The following SLC5A5 variants were observed in gnomAD, a reference collection of about 807,000 sequenced individuals.
The protein encoded by SLC5A5 is sodium/iodide cotransporter.
In SLC5A5, 56 loss-of-function variants were observed where a neutral mutation model predicts 68.6. That is an observed-to-expected ratio of 0.82 (90% CI 0.66 to 1.02). SLC5A5 has a LOEUF of 1.02. Among genes scored for constraint, SLC5A5 ranks in the 50% least tolerant of loss-of-function variants. SLC5A5 has a pLI of 0.00. For missense variants in SLC5A5, 807 were observed against 859.8 expected (o/e 0.94, Z 0.77); for synonymous variants, 398 against 373.0 (o/e 1.07, Z -0.77).
Position 17,872,314 on chromosome 19 carries a change from G to T in SLC5A5, c.-6G>T. ...GAGGACGCGCTGGGCCTCCGCACCC[G>T]CCCTCATGGAGGCCGTGGAGACCGG... On this transcript the variant is annotated 5_prime_UTR_variant, in exon 1 of 15. Coordinates refer to ENST00000222248, the MANE Select transcript of SLC5A5 (RefSeq NM_000453.3). The T allele has an allele frequency of 7.5e-7, 1 of 1,334,018 alleles. No homozygotes were observed. The highest frequency in any genetic ancestry group is 1.2e-5 in the South Asian group (1 of 83,740). 82.6% of individuals were successfully genotyped at this position (1,334,018 alleles called of 1,614,324 possible). A position where few individuals can be genotyped will look rare whatever the true frequency, so the allele number is the denominator to read the frequency against.
chr19:17,894,149 T>TTTTC lies in SLC5A5; in HGVS notation c.*275_*276insCTTT. On this transcript the variant is annotated 3_prime_UTR_variant, in exon 15 of 15. Coordinates refer to ENST00000222248, the MANE Select transcript of SLC5A5 (RefSeq NM_000453.3). ...GCTGGGTTTTTCTCTCTCTCTTTTT[T>TTTTC]TTTTTTTTTTTTTTTTGAGACAGGG... The TTTTC allele has an allele frequency of 3.0e-6, 1 of 331,462 alleles. No homozygotes were observed. Among genetic ancestry groups the TTTTC allele is most frequent in the Non-Finnish European group, 5.7e-6 (1 of 174,964 alleles). 20.5% of individuals were successfully genotyped at this position (331,462 alleles called of 1,614,324 possible).
intron 6 of SLC5A5, 31 bp from the exon 7 acceptor site, chr19:17,877,933 C>T (rs772984281): frequency 8.1e-5 from 131 of 1,613,656 alleles, no homozygotes; most frequent in Non-Finnish European, 1.1e-4. Context: ...CTGAGGCTAT[C>T]CCCTAAGCCT....
chr19:17,881,492 C>T (rs1436009267), intron 8 of SLC5A5, among the ~76,000 whole-genome samples: 1 of 152,150 alleles, frequency 6.6e-6, no homozygotes, highest in African/African-American at 2.4e-5. Context: ...GTCTTGAACT[C>T]CTGACCTCAG....
chr19:17,884,365 T>A lies in SLC5A5; in HGVS notation c.1526+319T>A, dbSNP rs1335356994. Among the ~76,000 whole-genome samples, 426 of 150,438 alleles carry A rather than the reference T, an allele frequency of 2.8e-3. 3 individuals carry two copies. The highest frequency in any genetic ancestry group is 9.8e-3 in the African/African-American group (389 of 39,856). ...CAGGCTGGAATGCAGGGGTGCAATC[T>A]CAGCTTACTGCAGCTTCAACCTCTC... On this transcript the variant is annotated intron_variant, in intron 12 of 14. Coordinates refer to ENST00000222248, the MANE Select transcript of SLC5A5 (RefSeq NM_000453.3).
intron 12 of SLC5A5, among the ~76,000 whole-genome samples, chr19:17,885,601 A>C (rs190779427): frequency 8.6e-4 from 131 of 151,596 alleles, no homozygotes; most frequent in African/African-American, 3.1e-3. Context: ...GGCTGGTCTC[A>C]AAGTATTGGG....
intron 5 of SLC5A5, among the ~76,000 whole-genome samples, chr19:17,877,012 C>A (rs2147733719): frequency 6.6e-6 from 1 of 151,444 alleles, no homozygotes; most frequent in South Asian, 2.1e-4. Flanking sequence ...GCCTGGGCAA[C>A]AAGAGCGAAA....
chr19:17,893,970 G>T lies in SLC5A5; in HGVS notation c.*93G>T, dbSNP rs2030308164. ...GGCCCATGGCCTTGGGCTCTGATTG[G>T]CTGGATTGCCTTGTATGCAAATGAG... is the stretch of plus-strand genomic sequence containing the variant. On this transcript the variant is annotated 3_prime_UTR_variant, in exon 15 of 15. Transcript: ENST00000222248. The T allele has an allele frequency of 4.7e-6, 6 of 1,263,546 alleles. No homozygotes were observed. The highest frequency in any genetic ancestry group is 5.6e-6 in the Non-Finnish European group (5 of 887,386). 78.3% of individuals were successfully genotyped at this position (1,263,546 alleles called of 1,614,324 possible). A position where few individuals can be genotyped will look rare whatever the true frequency, so the allele number is the denominator to read the frequency against.
chr19:17,883,522 AGG>A (rs1555753687), intron 10 of SLC5A5, among the ~76,000 whole-genome samples, 157 bp from the exon 11 acceptor site: 1 of 143,328 alleles, frequency 7.0e-6, no homozygotes. Flanking sequence ...GGCAGGAACA[AGG>A]GGGGGGGGTC....
Position 17,878,035 on chromosome 19 carries a change from T to C in SLC5A5, c.911T>C (p.Phe304Ser), listed in dbSNP as rs1568420776. Residue 304 changes from phenylalanine to serine, a missense_variant, in exon 7 of 15, where the codon TTT becomes TCT. Transcript: ENST00000222248. ...SSAACCGIVM[F>S]VFYTDCDPLL... is the part of the protein sequence containing the mutation. ...GCTGCCTGCTGTGGCATCGTCATGT[T>C]TGTGTTCTACACTGACTGCGACCCT... 9 of 1,613,258 alleles carry C rather than the reference T, an allele frequency of 5.6e-6. No homozygotes were observed. Among genetic ancestry groups the C allele is most frequent in the Non-Finnish European group, 7.6e-6 (9 of 1,180,010 alleles).
chr19:17,875,652 G>C (rs1286857133), intron 4 of SLC5A5, among the ~76,000 whole-genome samples: 1 of 147,902 alleles, frequency 6.8e-6, no homozygotes, highest in Non-Finnish European at 1.5e-5. Context: ...GGTGGCACCT[G>C]CTGTAGCTCC....
intron 1 of SLC5A5, among the ~76,000 whole-genome samples, chr19:17,873,377 C>T (rs1412921930): frequency 2.0e-5 from 3 of 152,032 alleles, no homozygotes; most frequent in African/African-American, 7.2e-5. Flanking sequence ...AGGAGAATTG[C>T]TTGAACCCGG....
intron 7 of SLC5A5, among the ~76,000 whole-genome samples, chr19:17,879,650 C>T (rs1599919527): frequency 2.0e-5 from 3 of 152,252 alleles, no homozygotes; most frequent in Admixed American, 2.0e-4. Flanking sequence ...GCAGAGGGTA[C>T]GGGGGACCAC....
chr19:17,893,656 C>A, intron 14 of SLC5A5, 57 bp from the exon 15 acceptor site: 1 of 1,564,920 alleles, frequency 6.4e-7, no homozygotes, highest in East Asian at 2.3e-5. Context: ...TGAGCTGACA[C>A]GGAACAGGGT....
intron 1 of SLC5A5, among the ~76,000 whole-genome samples, chr19:17,873,642 G>C (rs925878938): frequency 1.3e-5 from 2 of 152,126 alleles, no homozygotes; most frequent in Admixed American, 6.6e-5. Flanking sequence ...TGTAATCCCA[G>C]CTACTCAGGA....
At chr19:17,874,622 G>A (rs2094302407) in intron 3 of SLC5A5, 42 bp from the exon 4 acceptor site, 1 of 1,613,238 alleles carries the variant, frequency 6.2e-7, no homozygotes. Context: ...CTAAGTTTGC[G>A]CCCCGCCCAG....
rs772763011 is a variant in SLC5A5 at position 17,894,143 on chromosome 19, CT to C, written c.*288del. 20,281 of 261,118 alleles carry C rather than the reference CT, an allele frequency of 0.078. 2 individuals carry two copies. The highest frequency in any genetic ancestry group is 0.15 in the South Asian group (4,131 of 27,664). The allele number at this position is 261,118 out of a possible 1,614,324, so 16.2% of individuals were successfully genotyped here. Reference sequence around the variant, plus strand: ...AATAAGGCTGGGTTTTTCTCTCTCTCTTTTTTTTTTTTTTTTTTTTTTGAGA... The same window carrying C: ...AATAAGGCTGGGTTTTTCTCTCTCTCTTTTTTTTTTTTTTTTTTTTTGAGA... On this transcript the variant is annotated 3_prime_UTR_variant, in exon 15 of 15. Transcript: ENST00000222248.
In SLC5A5 at chr19:17,877,731, C is replaced by T. The variant is rs1280752726; in HGVS notation, c.707C>T (p.Pro236Leu). The change falls in exon 6 of 15, where the codon CCT (proline) becomes CTT (leucine). Residue 236 changes from proline (P) to leucine (L), a missense_variant. By Grantham distance (98) the Pro-to-Leu change is moderately conservative. Transcript: ENST00000222248. ...HSRINLMDFN[P>L]DPRSRYTFWT... is the part of the protein sequence containing the mutation. The stretch of plus-strand genomic sequence containing the variant: ...GCCCTGTCCCCACCCAGCTTTAACC[C>T]TGACCCGAGGAGCCGCTATACATTC... 1.2e-6 allele frequency: 2 copies of T among 1,614,010 alleles called. No individual in the cohort carries two copies. The highest frequency in any genetic ancestry group is 1.7e-6 in the Non-Finnish European group (2 of 1,179,990).
chr19:17,887,252 C>A (rs2029953669), intron 12 of SLC5A5, among the ~76,000 whole-genome samples: 1 of 152,114 alleles, frequency 6.6e-6, no homozygotes, highest in Non-Finnish European at 1.5e-5. Context: ...TGTAGGTTGT[C>A]TTCATTCTCT....
At chr19:17,881,873 C>A in intron 8 of SLC5A5, 87 bp from the exon 9 acceptor site, 1 of 1,029,074 alleles carries the variant, frequency 9.7e-7, no homozygotes, top group East Asian at 2.4e-5. Flanking sequence ...CACCGTTGCC[C>A]TCAGGCTGGG....
Sources: allele counts gnomAD v4.1 joint callset (sites outside exome capture counted in the v4.1 genomes callset), GRCh38; gene constraint gnomAD v4.1.1; transcripts MANE v1.5; gene names NCBI Gene and HGNC (gene_info 2026-07-23, HGNC 2026-07-21).